SPAG16: variants seen among roughly 807,000 people sequenced by gnomAD.
SPAG16 encodes the protein sperm associated antigen 16.
Under a neutral mutation model 80.4 loss-of-function variants are expected in SPAG16, and 86 were observed. The observed-to-expected ratio is 1.07, with a 90% CI of 0.90 to 1.28. The LOEUF (loss-of-function observed/expected upper bound fraction) is 1.28. SPAG16 is among the 50% of genes most tolerant of loss of function. SPAG16 has a pLI of 0.00. For missense variants in SPAG16, 870 were observed against 765.3 expected (o/e 1.14, Z -1.61); for synonymous variants, 294 against 265.9 (o/e 1.11, Z -1.03).
intron 10 of SPAG16, among the ~76,000 whole-genome samples, chr2:213,737,855 T>G (rs183364224): frequency 6.6e-6 from 1 of 152,322 alleles, no homozygotes; most frequent in African/African-American, 2.4e-5. Flanking sequence ...AGAAGTTATT[T>G]TCGATTTTTG....
At chr2:213,316,138 C>T (rs1354262968) in intron 4 of SPAG16, among the ~76,000 whole-genome samples, 2 of 151,980 alleles carry the variant, frequency 1.3e-5, no homozygotes, top group Non-Finnish European at 2.9e-5. Flanking sequence ...AGGCATATTA[C>T]ATTTAACACG....
At chr2:213,529,052 C>G (rs2075980487) in intron 10 of SPAG16, among the ~76,000 whole-genome samples, 1 of 152,128 alleles carries the variant, frequency 6.6e-6, no homozygotes, top group African/African-American at 2.4e-5. Flanking sequence ...TTCAGATACT[C>G]AGGCTGATAA....
chr2:213,346,902 A>G (rs1293564013), intron 6 of SPAG16, among the ~76,000 whole-genome samples: 1 of 152,138 alleles, frequency 6.6e-6, no homozygotes, highest in East Asian at 1.9e-4. Flanking sequence ...GCCTCATAAA[A>G]TGAGTTAGGA....
At chr2:213,340,900 T>C (rs547216540) in intron 6 of SPAG16, among the ~76,000 whole-genome samples, 7 of 152,316 alleles carry the variant, frequency 4.6e-5, no homozygotes, top group Middle Eastern at 3.4e-3. Context: ...AAGGCAGTGC[T>C]ATCCAACAGA....
chr2:213,448,645 C>A (rs112132203), intron 9 of SPAG16, among the ~76,000 whole-genome samples: 3,560 of 152,230 alleles, frequency 0.023, 58 homozygotes, highest in African/African-American at 0.038. Flanking sequence ...AATGGAGGGA[C>A]GGGCTGGAGC....
intron 3 of SPAG16, among the ~76,000 whole-genome samples, chr2:213,305,653 ATC>A (rs1156463876): frequency 1.3e-5 from 2 of 152,170 alleles, no homozygotes; most frequent in Admixed American, 1.3e-4. Flanking sequence ...GTTATGATGT[ATC>A]ACATTGATAG....
At chr2:213,638,186 A>G (rs549672532) in intron 10 of SPAG16, among the ~76,000 whole-genome samples, 3 of 152,080 alleles carry the variant, frequency 2.0e-5, no homozygotes, top group African/African-American at 7.2e-5. Flanking sequence ...TTATCTTTTC[A>G]ATAAACTAGC....
At chr2:213,676,778 G>A (rs1338984150) in intron 10 of SPAG16, among the ~76,000 whole-genome samples, 3 of 150,240 alleles carry the variant, frequency 2.0e-5, no homozygotes, top group South Asian at 2.1e-4. Context: ...TGCTGGATTC[G>A]GTTTGCCAGT....
intron 6 of SPAG16, among the ~76,000 whole-genome samples, chr2:213,345,719 T>C (rs1270429690): frequency 1.3e-5 from 2 of 149,578 alleles, no homozygotes; most frequent in African/African-American, 2.5e-5. Flanking sequence ...CTGAGGGCTC[T>C]GTTCTGTTCC....
intron 10 of SPAG16, among the ~76,000 whole-genome samples, chr2:213,536,040 AGT>A (rs1485013111): frequency 1.3e-5 from 2 of 152,102 alleles, no homozygotes; most frequent in African/African-American, 4.8e-5. Flanking sequence ...GAGGTATGTG[AGT>A]GTGTGTGCAC....
chr2:213,877,458 C>T (rs188636282), intron 11 of SPAG16, among the ~76,000 whole-genome samples: 312 of 152,116 alleles, frequency 2.1e-3, no homozygotes, highest in African/African-American at 7.1e-3. Flanking sequence ...CACAGTCACA[C>T]GCTACCACAC....
At chr2:213,315,645 C>T (rs2063369728) in intron 4 of SPAG16, among the ~76,000 whole-genome samples, 1 of 151,906 alleles carries the variant, frequency 6.6e-6, no homozygotes, top group Non-Finnish European at 1.5e-5. Context: ...TTCCTAGTCT[C>T]TCAGACGTAC....
intron 9 of SPAG16, among the ~76,000 whole-genome samples, chr2:213,455,733 C>T (rs1433478545): frequency 6.6e-6 from 1 of 152,160 alleles, no homozygotes; most frequent in Non-Finnish European, 1.5e-5. Context: ...ATATAATGCC[C>T]CTGCTAATTT....
chr2:213,463,722 G>A (rs1355133049), intron 9 of SPAG16, among the ~76,000 whole-genome samples: 1 of 152,270 alleles, frequency 6.6e-6, no homozygotes, highest in Non-Finnish European at 1.5e-5. Flanking sequence ...GTTTGCTGCA[G>A]GGGCGGAGCC....
rs145708975 is a variant in SPAG16, at chr2:213,931,119, G to C, written c.1400+974G>C. ...TTCTTTTCCCTTTTTTAGTTACTTA[G>C]TTAGCAACTTTATTCAGTTTTTACC... On this transcript the variant is annotated intron_variant, in intron 12 of 15. Coordinates refer to ENST00000331683, the MANE Select transcript of SPAG16 (RefSeq NM_024532.5). 2.3e-3 allele frequency among the ~76,000 whole-genome samples: 351 copies of C among 152,096 alleles called. 13 individuals carry two copies. The highest frequency in any genetic ancestry group is 0.02 in the Admixed American group (309 of 15,284).
intron 9 of SPAG16, among the ~76,000 whole-genome samples, chr2:213,439,199 T>G (rs1304903548): frequency 6.6e-6 from 1 of 152,212 alleles, no homozygotes; most frequent in Non-Finnish European, 1.5e-5. Flanking sequence ...CCAATAATTT[T>G]GTGATAATTT....
chr2:213,375,130 T>G lies in SPAG16; in HGVS notation c.942+11T>G. The G allele has an allele frequency of 1.3e-6, 2 of 1,560,884 alleles. No homozygotes were observed. Among genetic ancestry groups the G allele is most frequent in the Non-Finnish European group, 1.7e-6 (2 of 1,145,352 alleles). ...AAAGGCAATACAAAGGTATGATATT[T>G]GTTTTTGTTTGCATTAAGTCATACT... On this transcript the variant is annotated intron_variant, in intron 9 of 15. Coordinates refer to ENST00000331683, the MANE Select transcript of SPAG16 (RefSeq NM_024532.5).
At chr2:214,025,779 G>A (rs1028106500) in intron 13 of SPAG16, among the ~76,000 whole-genome samples, 15 of 151,216 alleles carry the variant, frequency 9.9e-5, no homozygotes, top group African/African-American at 3.6e-4. Flanking sequence ...AGTATACTCA[G>A]GCATTTCATT....
At chr2:213,435,733 A>T (rs1184921039) in intron 9 of SPAG16, among the ~76,000 whole-genome samples, 2 of 152,224 alleles carry the variant, frequency 1.3e-5, no homozygotes, top group South Asian at 4.1e-4. Context: ...CACATTGTTC[A>T]GGACAGAAAA....
Sources: allele counts gnomAD v4.1 joint callset (sites outside exome capture counted in the v4.1 genomes callset), GRCh38; gene constraint gnomAD v4.1.1; transcripts MANE v1.5; gene names NCBI Gene and HGNC (gene_info 2026-07-23, HGNC 2026-07-21).